The following IPP variants were observed in gnomAD, a reference collection of about 807,000 sequenced individuals.
IPP encodes the protein actin-binding protein IPP.
A neutral mutation model predicts 64.1 loss-of-function variants in IPP; 41 were observed. That is an observed-to-expected ratio of 0.64 (90% CI 0.50 to 0.83). IPP has a LOEUF of 0.83. IPP is among the 40% of genes least tolerant of loss of function. IPP has a pLI of 0.00. For synonymous variants in IPP, 214 were observed against 235.2 expected, an observed-to-expected ratio of 0.91 and a Z score of 0.83; for missense variants, 649 against 703.0, an observed-to-expected ratio of 0.92 and a Z score of 0.87.
At chr1:45,711,671 T>C (rs557470998) in intron 8 of IPP, among the ~76,000 whole-genome samples, 181 of 151,910 alleles carry the variant, frequency 1.2e-3, no homozygotes, top group Non-Finnish European at 2.0e-3. Context: ...CAAGAATCGC[T>C]TGAACCCAGG....
chr1:45,746,726 A>G (rs1646139158), intron 1 of IPP, among the ~76,000 whole-genome samples: 1 of 152,222 alleles, frequency 6.6e-6, no homozygotes, highest in African/African-American at 2.4e-5. Context: ...AGGTATGAGG[A>G]GAGGACACTT....
chr1:45,743,170 T>C (rs577117460), intron 2 of IPP, among the ~76,000 whole-genome samples: 607 of 151,830 alleles, frequency 4.0e-3, no homozygotes, highest in Middle Eastern at 0.01. Flanking sequence ...ACTCCTGGCC[T>C]CAGGTGATCC....
intron 2 of IPP, among the ~76,000 whole-genome samples, chr1:45,744,484 C>T (rs980127020): frequency 6.6e-6 from 1 of 152,098 alleles, no homozygotes; most frequent in African/African-American, 2.4e-5. Flanking sequence ...CCTGGATCCT[C>T]CCACATCAGC....
chr1:45,745,430 A>G (rs1570056757), intron 2 of IPP, among the ~76,000 whole-genome samples: 1 of 152,132 alleles, frequency 6.6e-6, no homozygotes, highest in African/African-American at 2.4e-5. Flanking sequence ...TATATATTGT[A>G]AACATTCTTC....
At chr1:45,698,538 G>T (rs1269676255), downstream of IPP, among the ~76,000 whole-genome samples, 1 of 152,020 alleles carries the variant, frequency 6.6e-6, no homozygotes, top group Non-Finnish European at 1.5e-5. Context: ...AGTTTCAGAA[G>T]TACCTACAAT....
intron 2 of IPP, among the ~76,000 whole-genome samples, chr1:45,742,850 A>C (rs1646084561): frequency 6.6e-6 from 1 of 151,906 alleles, no homozygotes; most frequent in South Asian, 2.1e-4. Flanking sequence ...AATAACCAAT[A>C]ATCTATAACA....
intron 5 of IPP, among the ~76,000 whole-genome samples, chr1:45,725,067 G>A (rs1191093835): frequency 1.7e-4 from 25 of 147,198 alleles, no homozygotes; most frequent in South Asian, 4.3e-4. Flanking sequence ...AGGGAGGTGG[G>A]GGGGTCAGCC....
chr1:45,739,028 A>G (rs923479818), intron 3 of IPP, among the ~76,000 whole-genome samples: 1 of 152,172 alleles, frequency 6.6e-6, no homozygotes, highest in African/African-American at 2.4e-5. Context: ...GCTACTGCAA[A>G]TAACAATCAA....
At chr1:45,707,809 C>T (rs28970802) in intron 8 of IPP, among the ~76,000 whole-genome samples, 43,049 of 151,866 alleles carry the variant, frequency 0.28, 6,227 homozygotes, top group South Asian at 0.37. Flanking sequence ...TGGCAGAAAA[C>T]ATTCCAACTT....
chr1:45,705,828 C>CA (rs1381290363), intron 8 of IPP, among the ~76,000 whole-genome samples: 3 of 144,352 alleles, frequency 2.1e-5, no homozygotes, highest in Non-Finnish European at 4.6e-5. Context: ...AACAAACAAA[C>CA]AAAAAACCTC....
intron 8 of IPP, among the ~76,000 whole-genome samples, chr1:45,708,408 G>A (rs1241114210): frequency 6.6e-6 from 1 of 150,830 alleles, no homozygotes; most frequent in African/African-American, 2.4e-5. Flanking sequence ...GCCAGGCGCG[G>A]TGGCTCACAT....
intron 5 of IPP, among the ~76,000 whole-genome samples, chr1:45,725,023 T>C (rs1353320664): frequency 8.2e-6 from 1 of 121,772 alleles, no homozygotes; most frequent in African/African-American, 3.2e-5. Context: ...GGTGGGGGGG[T>C]CAGCCCCCCG....
chr1:45,707,196 G>C (rs1230381988), intron 8 of IPP, among the ~76,000 whole-genome samples: 1 of 152,176 alleles, frequency 6.6e-6, no homozygotes, highest in East Asian at 1.9e-4. Context: ...GGCCGAGGCG[G>C]GTGGATCATG....
intron 3 of IPP, among the ~76,000 whole-genome samples, chr1:45,740,299 G>A (rs1007568341): frequency 1.3e-5 from 2 of 151,970 alleles, no homozygotes; most frequent in African/African-American, 4.8e-5. Context: ...CCACAAAACC[G>A]CCATTGTCAT....
intron 8 of IPP, among the ~76,000 whole-genome samples, chr1:45,707,732 T>A (rs865942092): frequency 3.3e-5 from 5 of 151,992 alleles, no homozygotes; most frequent in Admixed American, 2.6e-4. Flanking sequence ...TGGGACAATA[T>A]TGGGTGGTCT....
In IPP at chr1:45,746,195, A is replaced by C. The variant is rs377061407; in HGVS notation, c.217T>G (p.Ser73Ala). 1.2e-6 allele frequency: 2 copies of C among 1,614,002 alleles called. No homozygotes were observed. The highest frequency in any genetic ancestry group is 1.7e-6 in the Non-Finnish European group (2 of 1,179,954). Residue 73 changes from serine (S) to alanine (A), a missense_variant, in exon 2 of 9, where the codon TCC becomes GCC. Transcript: ENST00000396478. ...AALFTGGMKESSKDVVPILGI... is the reference protein window; with the variant it reads ...AALFTGGMKEASKDVVPILGI... ...AGAATCGGTACAACATCTTTTGAGG[A>C]CTCTTTCATTCCTCCAGTGAACAAA...
chr1:45,745,897 T>C (rs1646127208), intron 2 of IPP, among the ~76,000 whole-genome samples: 1 of 151,980 alleles, frequency 6.6e-6, no homozygotes, highest in Admixed American at 6.6e-5. Context: ...ATAATAATAA[T>C]GTTACAATAA....
intron 5 of IPP, among the ~76,000 whole-genome samples, chr1:45,725,124 GC>G (rs1292856862): frequency 0.076 from 6,012 of 79,010 alleles, 615 homozygotes; most frequent in Admixed American, 0.12. Flanking sequence ...GGGGGGGTCA[GC>G]CCCCCGCCCG....
At chr1:45,743,340 C>T (rs1193655133) in intron 2 of IPP, among the ~76,000 whole-genome samples, 1 of 150,634 alleles carries the variant, frequency 6.6e-6, no homozygotes, top group African/African-American at 2.4e-5. Context: ...CAGGTTCAAG[C>T]AATTCTCCTG....
Sources: allele counts gnomAD v4.1 joint callset (sites outside exome capture counted in the v4.1 genomes callset), GRCh38; gene constraint gnomAD v4.1.1; transcripts MANE v1.5; gene names NCBI Gene and HGNC (gene_info 2026-07-23, HGNC 2026-07-21).